Variants in RIMS2 observed in about 807,000 individuals in gnomAD.
RIMS2 encodes the protein regulating synaptic membrane exocytosis protein 2.
Under a neutral mutation model 174.4 loss-of-function variants are expected in RIMS2, and 59 were observed. The ratio of observed to expected loss-of-function variants is 0.34; its 90% CI spans 0.27 to 0.42. The LOEUF (loss-of-function observed/expected upper bound fraction) is 0.42. Among genes scored for constraint, RIMS2 ranks in the 10% least tolerant of loss-of-function variants. The pLI is 1.00. For synonymous variants in RIMS2, 606 were observed against 572.5 expected, an observed-to-expected ratio of 1.06 and a Z score of -0.84; for missense variants, 1,620 against 1,666.3, an observed-to-expected ratio of 0.97 and a Z score of 0.48.
rs114889322 is a variant in RIMS2, at chr8:104,056,090, T to G, written c.3334+41475T>G. ...TATGATAATATAAAACAAAAAACAC[T>G]TAAACATCATTTGACTTCAAAGTCA... On this transcript the variant is annotated intron_variant, in intron 19 of 23. Coordinates refer to ENST00000504942, the Ensembl canonical transcript of RIMS2. Among the ~76,000 whole-genome samples the G allele has an allele frequency of 9.5e-3, 1,447 of 152,232 alleles. 22 individuals are homozygous for G. The highest frequency in any genetic ancestry group is 0.034 in the African/African-American group (1,408 of 41,550).
chr8:104,126,444 A>G (rs2098431017), intron 19 of RIMS2, among the ~76,000 whole-genome samples: 2 of 152,134 alleles, frequency 1.3e-5, no homozygotes, highest in Admixed American at 1.3e-4. Context: ...GGGTAATAAA[A>G]TGCATTGGGG....
intron 3 of RIMS2, among the ~76,000 whole-genome samples, chr8:103,775,478 T>C (rs1402207116): frequency 6.6e-6 from 1 of 152,128 alleles, no homozygotes; most frequent in Admixed American, 6.6e-5. Context: ...CTTTTTAGAA[T>C]ACAGGTGAAA....
In RIMS2 at chr8:103,819,652, T is replaced by C. The variant is rs139066504; in HGVS notation, c.698+53115T>C. On this transcript the variant is annotated intron_variant, in intron 3 of 23. Transcript: ENST00000504942. ...AAGGTGAGTAGAGCCAAACTATATT[T>C]TCTTTTAATATTGTTATTTTCAGAA... 7.1e-6 allele frequency: 11 copies of C among 1,554,406 alleles called. No homozygotes were observed. In the East Asian group the frequency reaches 2.5e-4, roughly 35 times the overall value.
chr8:104,106,064 A>G (rs1251627630), intron 19 of RIMS2, among the ~76,000 whole-genome samples: 19 of 146,924 alleles, frequency 1.3e-4, no homozygotes, highest in African/African-American at 3.5e-4. Context: ...AAAAAAAAAA[A>G]AGAGAAAGAG....
At chr8:103,925,623 A>T (rs2078624528) in intron 10 of RIMS2, among the ~76,000 whole-genome samples, 1 of 151,420 alleles carries the variant, frequency 6.6e-6, no homozygotes, top group Non-Finnish European at 1.5e-5. Flanking sequence ...TATAGAGATC[A>T]TCAGGTCTCT....
intron 3 of RIMS2, among the ~76,000 whole-genome samples, chr8:103,800,218 C>T (rs1054711638): frequency 6.6e-6 from 1 of 152,070 alleles, no homozygotes; most frequent in African/African-American, 2.4e-5. Context: ...TAGTACCACA[C>T]TGTAATTTTT....
At position 103,527,022 on chromosome 8, in the gene RIMS2, A is replaced by C. The variant is rs1358238081; in HGVS notation, c.176+25960A>C. 2.6e-5 allele frequency among the ~76,000 whole-genome samples: 4 copies of C among 152,226 alleles called. No homozygotes were observed. In the South Asian group the frequency reaches 8.3e-4, roughly 32 times the overall value. On this transcript the variant is annotated intron_variant, in intron 1 of 23. Coordinates refer to ENST00000504942, the Ensembl canonical transcript of RIMS2. ...CTAAATGTATCCAGAGGGAAAATGT[A>C]GCCATTTTCAAAGTATCTCCAATAA...
intron 1 of RIMS2, among the ~76,000 whole-genome samples, chr8:103,666,646 A>C (rs1029596401): frequency 2.6e-5 from 4 of 152,076 alleles, no homozygotes; most frequent in Admixed American, 2.0e-4. Flanking sequence ...GCTTCTTTAA[A>C]GTTTCAATTT....
intron 14 of RIMS2, among the ~76,000 whole-genome samples, chr8:103,959,428 AT>A (rs1230384970): frequency 6.7e-4 from 99 of 147,044 alleles, no homozygotes; most frequent in South Asian, 1.3e-3. Flanking sequence ...TAAAAAAGTA[AT>A]TTTTTTTTTT....
chr8:103,982,784 AG>A (rs2094023133), intron 16 of RIMS2, among the ~76,000 whole-genome samples: 1 of 152,200 alleles, frequency 6.6e-6, no homozygotes, highest in Admixed American at 6.6e-5. Flanking sequence ...ACAGACTCAC[AG>A]CTAGTATCAT....
intron 3 of RIMS2, among the ~76,000 whole-genome samples, chr8:103,780,991 A>G (rs960932126): frequency 1.3e-5 from 2 of 151,992 alleles, no homozygotes; most frequent in Non-Finnish European, 2.9e-5. Flanking sequence ...GCTGTAGTAA[A>G]TGATTGGGTT....
chr8:104,075,220 G>A (rs2097267363), intron 19 of RIMS2, among the ~76,000 whole-genome samples: 1 of 152,170 alleles, frequency 6.6e-6, no homozygotes, highest in East Asian at 1.9e-4. Flanking sequence ...ATGTAAAACA[G>A]ACGTCATTAT....
chr8:104,102,026 C>T lies in RIMS2; in HGVS notation c.3334+87411C>T, dbSNP rs144329387. 1.8e-3 allele frequency among the ~76,000 whole-genome samples: 280 copies of T among 152,158 alleles called. 4 individuals carry two copies. The highest frequency in any genetic ancestry group is 0.01 in the Middle Eastern group (3 of 294). ...GGCCCTCTTTTCTTCACTATCTACA[C>T]GTATTATCTTAATGCTTCATGGCTT... On this transcript the variant is annotated intron_variant, in intron 19 of 23. Coordinates refer to ENST00000504942, the Ensembl canonical transcript of RIMS2.
chr8:104,065,990 T>G, intron 19 of RIMS2, among the ~76,000 whole-genome samples: 1 of 152,194 alleles, frequency 6.6e-6, no homozygotes, highest in Non-Finnish European at 1.5e-5. Context: ...ACCTAATTTT[T>G]AAACCATTTC....
chr8:103,781,730 C>A lies in RIMS2; in HGVS notation c.698+15193C>A, dbSNP rs115851564. The stretch of plus-strand genomic sequence containing the variant: ...GGTTTATTTCTTCCGTATATTATCT[C>A]CCCTAATCTTTTTTTTTTTTTTTTT... On this transcript the variant is annotated intron_variant, in intron 3 of 23. Coordinates refer to ENST00000504942, the Ensembl canonical transcript of RIMS2. Among the ~76,000 whole-genome samples, 801 of 139,686 alleles carry A rather than the reference C, an allele frequency of 5.7e-3. 11 individuals carry two copies. Among genetic ancestry groups the A allele is most frequent in the African/African-American group, 0.019 (728 of 37,782 alleles). 91.6% of individuals were successfully genotyped at this position (139,686 alleles called of 152,430 possible). A position where few individuals can be genotyped will look rare whatever the true frequency, so the allele number is the denominator to read the frequency against.
chr8:103,931,445 C>G, intron 12 of RIMS2, 52 bp downstream of exon 14: 2 of 1,274,910 alleles, frequency 1.6e-6, no homozygotes, highest in Non-Finnish European at 2.2e-6. Flanking sequence ...AGAAAATGTT[C>G]ATAGCAATGG....
intron 2 of RIMS2, among the ~76,000 whole-genome samples, chr8:103,749,117 T>G (rs2097855126): frequency 6.9e-6 from 1 of 145,048 alleles, no homozygotes; most frequent in African/African-American, 2.6e-5. Flanking sequence ...TCTATTTTTT[T>G]TTTTTCTTTT....
At chr8:103,734,014 CTTTTTTTTTTTTTTT>C (rs59348302) in intron 2 of RIMS2, among the ~76,000 whole-genome samples, 1 of 85,736 alleles carries the variant, frequency 1.2e-5, no homozygotes, top group East Asian at 4.8e-4. Context: ...CTAAAAGCTT[CTTTTTTTTTTTTTTT>C]TTTTTTTTTT....
intron 19 of RIMS2, among the ~76,000 whole-genome samples, chr8:104,047,233 C>G (rs906692075): frequency 7.2e-5 from 11 of 151,960 alleles, no homozygotes; most frequent in African/African-American, 2.7e-4. Flanking sequence ...AAAATTTTGT[C>G]TACATTGGAA....
Sources: gnomAD v4.1 joint callset for allele counts (sites outside exome capture counted in the v4.1 genomes callset) on GRCh38, gnomAD v4.1.1 for gene constraint, MANE v1.5 for transcripts, NCBI Gene and HGNC (gene_info 2026-07-23, HGNC 2026-07-21) for gene names.